The following SLC5A6 variants were observed in gnomAD, a reference collection of about 807,000 sequenced individuals.
The protein encoded by SLC5A6 is solute carrier family 5 member 6.
Under a neutral mutation model 67.9 loss-of-function variants are expected in SLC5A6, and 31 were observed. That is an observed-to-expected ratio of 0.46 (90% CI 0.34 to 0.62). SLC5A6 has a LOEUF of 0.62. SLC5A6 is among the 20% of genes least tolerant of loss of function. SLC5A6 has a pLI of 0.01. For missense variants in SLC5A6, 673 were observed against 812.8 expected, an observed-to-expected ratio of 0.83 and a Z score of 2.09; for synonymous variants, 343 against 331.0, an observed-to-expected ratio of 1.04 and a Z score of -0.39.
intron 8 of SLC5A6, 33 bp from the exon 9 acceptor site, chr2:27,204,623 G>A (rs779666054): frequency 9.3e-6 from 15 of 1,611,138 alleles, no homozygotes; most frequent in African/African-American, 4.0e-5. Context: ...GAGGAGAGCC[G>A]GCGTTAACAG....
chr2:27,207,626 C>T lies in SLC5A6; in HGVS notation c.25G>A (p.Ala9Thr), dbSNP rs756220138. 6.2e-7 allele frequency: 1 copy of T among 1,613,854 alleles called. No individual in the cohort carries two copies. Among genetic ancestry groups the T allele is most frequent in the South Asian group, 1.1e-5 (1 of 91,050 alleles). The change falls in exon 3 of 17, where the codon GCC (alanine) becomes ACC (threonine). Residue 9 changes from alanine to threonine, a missense_variant. By Grantham distance (58) the Ala-to-Thr change is moderately conservative. Transcript: ENST00000310574. The surrounding 1 kb of genome is among the most constrained non-coding windows in gnomAD (Gnocchi z 5.5). Reference protein sequence around the residue: MSVGVSTSAPLSPTSGTSV... With the variant: MSVGVSTSTPLSPTSGTSV... The stretch of plus-strand genomic sequence containing the variant: ...GTGCCCGAGGTTGGGGAAAGAGGGG[C>T]TGAGGTGCTCACCCCTACACTCATA...
rs907008953 is a variant in SLC5A6 at position 27,212,246 on chromosome 2, A to C, written c.-434T>G. 3.2e-6 allele frequency: 5 copies of C among 1,560,974 alleles called. No individual in the cohort carries two copies. The African/African-American group carries it at 4.1e-5, about 13-fold the overall frequency. Reference sequence around the variant, plus strand: ...GCTCCACGAGCAGGAAAAGCCCCCAAGCAGCCCCAGGGCGACTGGACCGGG... The same window carrying C: ...GCTCCACGAGCAGGAAAAGCCCCCACGCAGCCCCAGGGCGACTGGACCGGG... On this transcript the variant is annotated 5_prime_UTR_variant, in exon 1 of 17. Transcript: ENST00000310574.
Position 27,200,438 on chromosome 2 carries a change from ACAGGGAGGTC to A in SLC5A6, c.1896_1905del (p.Glu632AspfsTer17), listed in dbSNP as rs1387642058. On this transcript the variant is annotated frameshift_variant, in exon 17 of 17. Transcript: ENST00000310574. LOFTEE classifies it high-confidence loss of function. Reference sequence around the variant, plus strand: ...AGAGGCGGGGTCCTGAGTCAACATCACAGGGAGGTCTCCTGGAGGATGCAGGTGGAGCTGC... The same window carrying A: ...AGAGGCGGGGTCCTGAGTCAACATCATCCTGGAGGATGCAGGTGGAGCTGC... 4 of 1,609,484 alleles carry A rather than the reference ACAGGGAGGTC, an allele frequency of 2.5e-6. No individual in the cohort carries two copies. The highest frequency in any genetic ancestry group is 3.4e-6 in the Non-Finnish European group (4 of 1,177,434).
At position 27,207,924 on chromosome 2, in the gene SLC5A6, T is replaced by C. The variant is rs1226666581; in HGVS notation, c.-140-134A>G. The C allele has an allele frequency of 2.0e-6, 1 of 491,868 alleles. No homozygotes were observed. The allele number at this position is 491,868 out of a possible 1,614,324, so 30.5% of individuals were successfully genotyped here. ...GCCCTTCAAGGTCTAGAGGCCCTGG[T>C]ATGGGTTTGGTAGGGGACATAAGTG... On this transcript the variant is annotated intron_variant, in intron 2 of 16. Transcript: ENST00000310574. The surrounding 1 kb of genome is among the most constrained non-coding windows in gnomAD (Gnocchi z 5.5).
rs1193748415 is a variant in SLC5A6 at position 27,203,217 on chromosome 2, G to A, written c.1207+16C>T. ...AGAAAGACCCAGACTGAAGAGATGAGGAAGCATAACCCCACCAAGGCCTCT... is the reference window on the plus strand; with the variant it reads ...AGAAAGACCCAGACTGAAGAGATGAAGAAGCATAACCCCACCAAGGCCTCT... On this transcript the variant is annotated intron_variant, in intron 11 of 16. Transcript: ENST00000310574. The A allele has an allele frequency of 1.2e-6, 2 of 1,613,994 alleles. No individual in the cohort carries two copies. Among genetic ancestry groups the A allele is most frequent in the South Asian group, 1.1e-5 (1 of 91,056 alleles).
chr2:27,204,723 C>T (rs1412662219), intron 8 of SLC5A6, 68 bp downstream of exon 8: 5 of 1,607,682 alleles, frequency 3.1e-6, no homozygotes, highest in South Asian at 2.2e-5. Context: ...TCCTGCCCCA[C>T]CCCAATTATC....
chr2:27,212,260 G>T lies in SLC5A6; in HGVS notation c.-448C>A. 3 of 1,558,426 alleles carry T rather than the reference G, an allele frequency of 1.9e-6. No homozygotes were observed. The highest frequency in any genetic ancestry group is 1.2e-5 in the South Asian group (1 of 84,628). ...AAAAGCCCCCAAGCAGCCCCAGGGCGACTGGACCGGGCCGCTTAGGCCACG... is the reference window on the plus strand; with the variant it reads ...AAAAGCCCCCAAGCAGCCCCAGGGCTACTGGACCGGGCCGCTTAGGCCACG... On this transcript the variant is annotated 5_prime_UTR_variant, in exon 1 of 17. Transcript: ENST00000310574.
Position 27,207,434 on chromosome 2 carries a change from G to A in SLC5A6, c.217C>T (p.Leu73=). 1 of 1,614,254 alleles carries A rather than the reference G, an allele frequency of 6.2e-7. No individual in the cohort carries two copies. Among genetic ancestry groups the A allele is most frequent in the East Asian group, 2.2e-5 (1 of 44,890 alleles). Residue 73 remains leucine, a synonymous_variant, in exon 3 of 17, where the codon CTG becomes TTG. Coordinates refer to ENST00000310574, the MANE Select transcript of SLC5A6 (RefSeq NM_021095.4). The surrounding 1 kb of genome is among the most constrained non-coding windows in gnomAD (Gnocchi z 5.5). ...GACTGGAAGGTGGCCAGCAGGGACAGTGCCACCGGAAGGCAGCCCATTTTG... is the reference window on the plus strand; with the variant it reads ...GACTGGAAGGTGGCCAGCAGGGACAATGCCACCGGAAGGCAGCCCATTTTG... ...DRKMGCLPVA[L]SLLATFQSAV...
intron 14 of SLC5A6, 40 bp downstream of exon 14, chr2:27,201,626 G>A: frequency 1.3e-6 from 2 of 1,587,598 alleles, no homozygotes; most frequent in Admixed American, 1.7e-5. Flanking sequence ...CCTCAAAGGA[G>A]GGCTTTGAGA....
chr2:27,210,597 ATTT>A (rs764572434), intron 2 of SLC5A6, among the ~76,000 whole-genome samples: 2 of 138,806 alleles, frequency 1.4e-5, no homozygotes. Context: ...CGCCCAGCTA[ATTT>A]TTTTTTTTTT....
At chr2:27,212,695 C>T, upstream of SLC5A6, 1 of 1,323,242 alleles carries the variant, frequency 7.6e-7, no homozygotes, top group African/African-American at 1.5e-5. Flanking sequence ...GATTTCGCCC[C>T]TTAATTTTAG....
At chr2:27,202,267 C>CGA (rs1157064235) in intron 12 of SLC5A6, among the ~76,000 whole-genome samples, 193 bp from the exon 13 acceptor site, 1 of 151,844 alleles carries the variant, frequency 6.6e-6, no homozygotes, top group African/African-American at 2.4e-5. Flanking sequence ...TTTGGGAGGC[C>CGA]GAGGCGGGAG....
At position 27,202,090 on chromosome 2, in the gene SLC5A6, G is replaced by A. The variant is rs1439761388; in HGVS notation, c.1276-16C>T. ...TGATTGCTGCCTAGGAGGACAGGGTGAGAAGAAAAGGAAAAAGAACACAGA... is the reference window on the plus strand; with the variant it reads ...TGATTGCTGCCTAGGAGGACAGGGTAAGAAGAAAAGGAAAAAGAACACAGA... On this transcript the variant is annotated splice_polypyrimidine_tract_variant and intron_variant, in intron 12 of 16. Coordinates refer to ENST00000310574, the MANE Select transcript of SLC5A6 (RefSeq NM_021095.4). 2 of 1,592,472 alleles carry A rather than the reference G, an allele frequency of 1.3e-6. No individual in the cohort carries two copies. Among genetic ancestry groups the A allele is most frequent in the Middle Eastern group, 1.7e-4 (1 of 6,024 alleles).
chr2:27,205,455 A>G lies in SLC5A6; in HGVS notation c.629T>C (p.Met210Thr). The G allele has an allele frequency of 6.2e-7, 1 of 1,614,194 alleles. No individual in the cohort carries two copies. Among genetic ancestry groups the G allele is most frequent in the Non-Finnish European group, 8.5e-7 (1 of 1,180,004 alleles). Residue 210 changes from methionine to threonine, a missense_variant, in exon 7 of 17, where the codon ATG becomes ACG. Met to Thr is a moderately conservative substitution (Grantham distance 81). Coordinates refer to ENST00000310574, the MANE Select transcript of SLC5A6 (RefSeq NM_021095.4). The part of the protein sequence containing the change: ...IWTDVFQTLV[M>T]FLGQLAVIIV... The stretch of plus-strand genomic sequence containing the variant: ...GATAACTGCCAGCTGCCCGAGGAAC[A>G]TGACCAGTGTCTGGAACACATCTGT...
upstream of SLC5A6, chr2:27,212,586 C>T (rs1026448265): frequency 6.9e-7 from 1 of 1,455,116 alleles, no homozygotes; most frequent in African/African-American, 1.5e-5. Flanking sequence ...GTCCCTGACG[C>T]TTCCCGACCC....
upstream of SLC5A6, chr2:27,212,615 T>C: frequency 7.0e-7 from 1 of 1,423,248 alleles, no homozygotes; most frequent in Non-Finnish European, 9.1e-7. Context: ...CAGGTCCTGT[T>C]CCCAAGTACT....
chr2:27,204,060 CA>C (rs769594387), intron 9 of SLC5A6, among the ~76,000 whole-genome samples, 193 bp from the exon 10 acceptor site: 2 of 152,160 alleles, frequency 1.3e-5, no homozygotes, highest in African/African-American at 2.4e-5. Flanking sequence ...ATGAGCTCTA[CA>C]GAGGGAATGA....
chr2:27,212,745 C>T, upstream of SLC5A6: 1 of 951,374 alleles, frequency 1.1e-6, no homozygotes. Flanking sequence ...TCCTCTGCCT[C>T]TTGTGTAATC....
At chr2:27,201,587 CCATCCCTTAG>C (rs1673638058) in intron 14 of SLC5A6, 69 bp downstream of exon 14, 33 of 1,470,614 alleles carry the variant, frequency 2.2e-5, no homozygotes, top group Non-Finnish European at 3.0e-5. Flanking sequence ...CTCTGGTGGC[CCATCCCTTAG>C]CAAGACCCCT....
Sources: gnomAD v4.1 joint callset for allele counts (sites outside exome capture counted in the v4.1 genomes callset) on GRCh38, gnomAD v4.1.1 for gene constraint, Gnocchi (gnomAD v3.1) non-coding constraint, MANE v1.5 for transcripts, NCBI Gene and HGNC (gene_info 2026-07-23, HGNC 2026-07-21) for gene names.